TSPAN5: variants seen among roughly 807,000 people sequenced by gnomAD.
TSPAN5 encodes the protein tetraspanin 5.
In TSPAN5, 10 loss-of-function variants were observed where a neutral mutation model predicts 37.1. That is an observed-to-expected ratio of 0.27 (90% CI 0.17 to 0.46). The LOEUF (loss-of-function observed/expected upper bound fraction) is 0.46, where lower values mean the gene tolerates loss of function less well. Among genes scored for constraint, TSPAN5 ranks in the 20% least tolerant of loss-of-function variants. The pLI, the probability that TSPAN5 is intolerant of heterozygous loss-of-function variation, is 1.00. For missense variants in TSPAN5, 195 were observed against 326.6 expected (o/e 0.60, Z 3.11); for synonymous variants, 110 against 118.9 (o/e 0.93, Z 0.48).
At chr4:98,506,046 T>TA (rs761807951) in intron 2 of TSPAN5, among the ~76,000 whole-genome samples, 2 of 152,220 alleles carry the variant, frequency 1.3e-5, no homozygotes, top group Non-Finnish European at 2.9e-5. Flanking sequence ...AACAAAAAGA[T>TA]AATTATATTT....
intron 1 of TSPAN5, among the ~76,000 whole-genome samples, chr4:98,532,149 A>T (rs1022171091): frequency 1.3e-5 from 2 of 152,202 alleles, no homozygotes; most frequent in Non-Finnish European, 2.9e-5. Flanking sequence ...TATGTCCTGA[A>T]TGGTACTGCC....
intron 1 of TSPAN5, among the ~76,000 whole-genome samples, chr4:98,592,428 G>GTTTTT (rs35941064): frequency 1.3e-3 from 152 of 118,784 alleles, no homozygotes; most frequent in Non-Finnish European, 1.7e-3. Context: ...TCTGTTTTTT[G>GTTTTT]TTTTTTTTTT....
At chr4:98,636,032 T>C (rs918211133) in intron 1 of TSPAN5, among the ~76,000 whole-genome samples, 1 of 152,232 alleles carries the variant, frequency 6.6e-6, no homozygotes, top group African/African-American at 2.4e-5. Flanking sequence ...AGCTAAGTGC[T>C]TTGTACTCAT....
intron 1 of TSPAN5, among the ~76,000 whole-genome samples, chr4:98,572,080 T>C (rs1579001061): frequency 1.3e-5 from 2 of 152,244 alleles, no homozygotes; most frequent in East Asian, 3.9e-4. Flanking sequence ...TTCAAGTGAT[T>C]CTCATGCCTC....
intron 2 of TSPAN5, among the ~76,000 whole-genome samples, chr4:98,506,909 C>T (rs7671986): frequency 0.28 from 42,226 of 151,918 alleles, 7,261 homozygotes; most frequent in African/African-American, 0.46. Flanking sequence ...TTTATATTCA[C>T]TGTTGAATTC....
intron 5 of TSPAN5, among the ~76,000 whole-genome samples, chr4:98,476,757 C>T (rs1044384028): frequency 3.3e-5 from 5 of 152,230 alleles, no homozygotes; most frequent in South Asian, 4.1e-4. Flanking sequence ...GTGGTGCCAA[C>T]CTCAAGAAGC....
intron 1 of TSPAN5, among the ~76,000 whole-genome samples, chr4:98,604,436 C>T (rs1191588358): frequency 2.0e-5 from 3 of 152,178 alleles, no homozygotes; most frequent in African/African-American, 2.4e-5. Context: ...ATCCTTGACA[C>T]GGTGCTGTTC....
At chr4:98,504,372 C>T (rs1049921803) in intron 2 of TSPAN5, among the ~76,000 whole-genome samples, 2 of 152,132 alleles carry the variant, frequency 1.3e-5, no homozygotes, top group Non-Finnish European at 1.5e-5. Flanking sequence ...GAGGCCTGGC[C>T]GAACTCAGAA....
At chr4:98,635,490 T>C (rs906952449) in intron 1 of TSPAN5, among the ~76,000 whole-genome samples, 1 of 152,222 alleles carries the variant, frequency 6.6e-6, no homozygotes, top group South Asian at 2.1e-4. Context: ...TCTAGCTAGA[T>C]AGAACTCAGC....
chr4:98,554,642 C>T (rs1252900231), intron 1 of TSPAN5, among the ~76,000 whole-genome samples: 3 of 152,156 alleles, frequency 2.0e-5, no homozygotes, highest in Admixed American at 6.5e-5. Context: ...AATGCCTTTG[C>T]ACGCTTTTTA....
At chr4:98,497,566 CT>C (rs1276994484) in intron 2 of TSPAN5, among the ~76,000 whole-genome samples, 2 of 152,146 alleles carry the variant, frequency 1.3e-5, no homozygotes, top group African/African-American at 4.8e-5. Context: ...CATGGTGCCC[CT>C]AAACTCAAGT....
chr4:98,518,431 T>TA (rs1272971153), intron 1 of TSPAN5, among the ~76,000 whole-genome samples: 1 of 152,112 alleles, frequency 6.6e-6, no homozygotes, highest in Non-Finnish European at 1.5e-5. Context: ...GATACATAAA[T>TA]AAAATGACAA....
intron 7 of TSPAN5, 142 bp from the exon 8 acceptor site, chr4:98,472,729 A>T (rs1197972151): frequency 1.5e-6 from 1 of 671,654 alleles, no homozygotes; most frequent in African/African-American, 1.8e-5. Flanking sequence ...TGAAATGTGT[A>T]TAATTCAGGG....
At position 98,515,217 on chromosome 4, in the gene TSPAN5, CAAAG is replaced by C. The variant is rs1481437244; in HGVS notation, c.82-7493_82-7490del. On this transcript the variant is annotated intron_variant, in intron 1 of 7. Coordinates refer to ENST00000305798, the MANE Select transcript of TSPAN5 (RefSeq NM_005723.4). ...GTGAGGACTCTGGTTTCTCCTGAGA[CAAAG>C]AATCACTGGAGGGTTTCTTGACTTC... Among the ~76,000 whole-genome samples, 5 of 152,204 alleles carry C rather than the reference CAAAG, an allele frequency of 3.3e-5. 1 individual carries two copies. The South Asian group carries it at 6.2e-4, about 19-fold the overall frequency.
chr4:98,478,727 C>T lies in TSPAN5; in HGVS notation c.534G>A (p.Glu178=). The change falls in exon 5 of 8, where the codon GAG becomes GAA. Residue 178 remains glutamate (E), a synonymous_variant. Transcript: ENST00000305798. Reference sequence around the variant, plus strand: ...AGCAGGAGAATGGAACGCCACATCGCTCTCGACTTGCATTGGAATCTGTGC... The same window carrying T: ...AGCAGGAGAATGGAACGCCACATCGTTCTCGACTTGCATTGGAATCTGTGC... ...FNCTDSNASR[E]RCGVPFSCCT... is the part of the protein sequence containing the mutation. The T allele has an allele frequency of 6.2e-7, 1 of 1,614,224 alleles. No homozygotes were observed. The highest frequency in any genetic ancestry group is 8.5e-7 in the Non-Finnish European group (1 of 1,180,030).
intron 1 of TSPAN5, among the ~76,000 whole-genome samples, chr4:98,634,779 G>A (rs1039950973): frequency 6.6e-6 from 1 of 151,568 alleles, no homozygotes; most frequent in African/African-American, 2.4e-5. Flanking sequence ...TACAGATGAA[G>A]ACCAGAACAG....
At position 98,470,370 on chromosome 4, in the gene TSPAN5, G is replaced by C. The variant is rs1185316453; in HGVS notation, c.*2152C>G. Reference sequence around the variant, plus strand: ...TAATGAAGAAAGACACACCATGTAAGGTAGAACCAAGTTTATTAATGACAG... The same window carrying C: ...TAATGAAGAAAGACACACCATGTAACGTAGAACCAAGTTTATTAATGACAG... On this transcript the variant is annotated 3_prime_UTR_variant, in exon 8 of 8. Coordinates refer to ENST00000305798, the MANE Select transcript of TSPAN5 (RefSeq NM_005723.4). The C allele has an allele frequency of 6.6e-6, 1 of 152,190 alleles. No homozygotes were observed. The highest frequency in any genetic ancestry group is 1.5e-5 in the Non-Finnish European group (1 of 68,022). 9.4% of individuals were successfully genotyped at this position (152,190 alleles called of 1,614,324 possible). A position where few individuals can be genotyped will look rare whatever the true frequency, so the allele number is the denominator to read the frequency against.
At chr4:98,581,085 T>C (rs142028741) in intron 1 of TSPAN5, among the ~76,000 whole-genome samples, 5 of 152,356 alleles carry the variant, frequency 3.3e-5, no homozygotes, top group African/African-American at 1.2e-4. Flanking sequence ...CTGTTGGCAC[T>C]GAGAGGCCCA....
At chr4:98,627,348 G>A (rs1423138015) in intron 1 of TSPAN5, among the ~76,000 whole-genome samples, 1 of 151,794 alleles carries the variant, frequency 6.6e-6, no homozygotes, top group African/African-American at 2.4e-5. Flanking sequence ...ATCAGTGAAG[G>A]TTTATAGGAG....
Sources: gnomAD v4.1 joint callset for allele counts (sites outside exome capture counted in the v4.1 genomes callset) on GRCh38, gnomAD v4.1.1 for gene constraint, MANE v1.5 for transcripts, NCBI Gene and HGNC (gene_info 2026-07-23, HGNC 2026-07-21) for gene names.